Variants in VPS50 observed in about 807,000 individuals in gnomAD.
VPS50 encodes VPS50 subunit of EARP/GARPII complex, also known as syndetin.
A neutral mutation model predicts 139.7 loss-of-function variants in VPS50; 70 were observed. The observed-to-expected ratio is 0.50, with a 90% CI of 0.41 to 0.61. The LOEUF is 0.61. Ranked by LOEUF, VPS50 falls within the 20% of genes least tolerant of loss-of-function variation. The pLI is 0.00. For synonymous variants in VPS50, 365 were observed against 376.7 expected (o/e 0.97, Z 0.36); for missense variants, 921 against 1,133.7 (o/e 0.81, Z 2.69).
chr7:93,302,310 A>T (rs1203432592), intron 16 of VPS50, among the ~76,000 whole-genome samples: 1 of 147,298 alleles, frequency 6.8e-6, no homozygotes, highest in Non-Finnish European at 1.5e-5. Flanking sequence ...AAATGTTTTG[A>T]CTATCTCACA....
intron 9 of VPS50, among the ~76,000 whole-genome samples, chr7:93,264,710 T>C (rs1040653996): frequency 5.3e-5 from 8 of 152,262 alleles, no homozygotes; most frequent in African/African-American, 2.4e-5. Context: ...CTGACAAATA[T>C]AGCAATACTG....
intron 16 of VPS50, among the ~76,000 whole-genome samples, chr7:93,302,508 T>G (rs1797006547): frequency 6.6e-6 from 1 of 152,072 alleles, no homozygotes; most frequent in South Asian, 2.1e-4. Context: ...GTCTATTTGA[T>G]TCTTTTATTG....
chr7:93,237,168 G>T (rs1318125938), intron 1 of VPS50, among the ~76,000 whole-genome samples: 36 of 151,158 alleles, frequency 2.4e-4, no homozygotes, highest in Non-Finnish European at 3.8e-4. Flanking sequence ...GTGTTAGCCA[G>T]GATAGTCTCC....
At chr7:93,238,817 T>C (rs1018141501) in intron 1 of VPS50, among the ~76,000 whole-genome samples, 3 of 152,184 alleles carry the variant, frequency 2.0e-5, no homozygotes. Flanking sequence ...GATGTATTGC[T>C]TTCTCATTTC....
At chr7:93,252,181 G>T (rs10257673) in intron 2 of VPS50, among the ~76,000 whole-genome samples, 3,280 of 152,238 alleles carry the variant, frequency 0.022, 127 homozygotes, top group African/African-American at 0.074. Context: ...TTTCTTAGCT[G>T]AGTACTGAGA....
intron 25 of VPS50, among the ~76,000 whole-genome samples, chr7:93,350,538 A>G (rs2117085300): frequency 6.6e-6 from 1 of 152,242 alleles, no homozygotes; most frequent in East Asian, 1.9e-4. Context: ...TCTGTAGATC[A>G]CCTGATATGT....
intron 26 of VPS50, among the ~76,000 whole-genome samples, chr7:93,354,717 A>G (rs957610909): frequency 6.6e-6 from 1 of 152,180 alleles, no homozygotes; most frequent in East Asian, 1.9e-4. Flanking sequence ...TGGATCTATT[A>G]ATAGTAATTT....
In VPS50 at chr7:93,357,195, G is replaced by A. The variant is rs142689100; in HGVS notation, c.2775+1115G>A. On this transcript the variant is annotated intron_variant, in intron 27 of 27. Transcript: ENST00000305866. ...ACTTCTGGGTTGGTACTGAGGAAAG[G>A]GTTTTGGGAAAGAATACAAAGTAGC... Among the ~76,000 whole-genome samples, 487 of 152,230 alleles carry A rather than the reference G, an allele frequency of 3.2e-3. 4 individuals are homozygous for A. The highest frequency in any genetic ancestry group is 0.011 in the African/African-American group (466 of 41,532).
rs184446088 is a variant in VPS50 at position 93,273,557 on chromosome 7, A to G, written c.801+824A>G. On this transcript the variant is annotated intron_variant, in intron 11 of 27. Transcript: ENST00000305866. The stretch of plus-strand genomic sequence containing the variant: ...AAATCTAAGAAGAAAGAACTTAGCA[A>G]TTTTGAGGGATATGTTTAAACACCT... The G allele has an allele frequency of 1.6e-3, 242 of 152,202 alleles. 3 individuals carry two copies. The highest frequency in any genetic ancestry group is 5.7e-3 in the African/African-American group (237 of 41,566). The allele number at this position is 152,202 out of a possible 1,614,324, so 9.4% of individuals were successfully genotyped here.
intron 21 of VPS50, among the ~76,000 whole-genome samples, chr7:93,331,377 C>T (rs1797936311): frequency 6.6e-6 from 1 of 152,016 alleles, no homozygotes; most frequent in African/African-American, 2.4e-5. Flanking sequence ...TCCAGAGCTA[C>T]AGTAGTTGAT....
intron 12 of VPS50, among the ~76,000 whole-genome samples, chr7:93,280,522 C>G (rs1306046032): frequency 6.6e-6 from 1 of 152,056 alleles, no homozygotes; most frequent in East Asian, 1.9e-4. Context: ...TTGATGTACC[C>G]TACATATTTA....
chr7:93,332,744 CAAGTA>C (rs543718917), intron 21 of VPS50, among the ~76,000 whole-genome samples: 259 of 152,112 alleles, frequency 1.7e-3, no homozygotes, highest in South Asian at 2.5e-3. Flanking sequence ...GTAAACTGAA[CAAGTA>C]AAGAGATTGT....
intron 12 of VPS50, among the ~76,000 whole-genome samples, chr7:93,278,123 C>A (rs1297350066): frequency 6.6e-6 from 1 of 151,854 alleles, no homozygotes; most frequent in Non-Finnish European, 1.5e-5. Flanking sequence ...TTTTATTGAC[C>A]ATTTTTATAT....
chr7:93,324,914 A>G (rs1217648683), intron 21 of VPS50, among the ~76,000 whole-genome samples: 1 of 152,322 alleles, frequency 6.6e-6, no homozygotes, highest in South Asian at 2.1e-4. Flanking sequence ...CAAGCTGCCA[A>G]TGACTTTCTT....
At chr7:93,246,572 T>A (rs1408730832) in intron 2 of VPS50, among the ~76,000 whole-genome samples, 1 of 151,860 alleles carries the variant, frequency 6.6e-6, no homozygotes, top group African/African-American at 2.4e-5. Context: ...AGAAATTAGG[T>A]TAAATTACTT....
rs376190032 is a variant in VPS50, at chr7:93,232,403, C to T, written c.-65C>T. On this transcript the variant is annotated 5_prime_UTR_variant, in exon 1 of 28. Transcript: ENST00000305866. Reference sequence around the variant, plus strand: ...TATGGCTTCCTAGTGTCAGGGCCAGCTGTGTAGTGGCTCGGTGTGATTTGT... The same window carrying T: ...TATGGCTTCCTAGTGTCAGGGCCAGTTGTGTAGTGGCTCGGTGTGATTTGT... 1.0e-5 allele frequency: 14 copies of T among 1,380,128 alleles called. No homozygotes were observed. In the East Asian group the frequency reaches 2.7e-4, roughly 27 times the overall value. 85.5% of individuals were successfully genotyped at this position (1,380,128 alleles called of 1,614,324 possible).
intron 14 of VPS50, among the ~76,000 whole-genome samples, chr7:93,295,256 G>C (rs991352457): frequency 6.6e-6 from 1 of 152,148 alleles, no homozygotes; most frequent in Non-Finnish European, 1.5e-5. Context: ...TTGGGAGGGA[G>C]GGCCTGCTTC....
intron 9 of VPS50, among the ~76,000 whole-genome samples, chr7:93,263,348 G>A (rs1328378893): frequency 6.6e-6 from 1 of 152,060 alleles, no homozygotes; most frequent in Non-Finnish European, 1.5e-5. Context: ...TCTAATTCTT[G>A]TTGATAACTA....
intron 23 of VPS50, among the ~76,000 whole-genome samples, chr7:93,341,940 C>T (rs1010178589): frequency 3.9e-5 from 6 of 152,140 alleles, no homozygotes; most frequent in Non-Finnish European, 8.8e-5. Flanking sequence ...ATAGTTGATC[C>T]TTGACATCAA....
Sources: allele counts gnomAD v4.1 joint callset (sites outside exome capture counted in the v4.1 genomes callset), GRCh38; gene constraint gnomAD v4.1.1; transcripts MANE v1.5; gene names NCBI Gene and HGNC (gene_info 2026-07-23, HGNC 2026-07-21).